Variants in ATP9B observed in about 807,000 individuals in gnomAD.
The protein encoded by ATP9B is ATPase phospholipid transporting 9B, also known as probable phospholipid-transporting ATPase IIB.
ATP9B carries 110 observed loss-of-function variants against 146.1 expected under a neutral mutation model. The ratio of observed to expected loss-of-function variants is 0.75; its 90% CI spans 0.65 to 0.88. The LOEUF (loss-of-function observed/expected upper bound fraction) is 0.88, where lower values mean the gene tolerates loss of function less well. Among genes scored for constraint, ATP9B ranks in the 40% least tolerant of loss-of-function variants. The pLI is 0.00. For missense variants in ATP9B, 1,499 were observed against 1,496.4 expected (o/e 1.00, Z -0.03); for synonymous variants, 604 against 569.7 (o/e 1.06, Z -0.86).
intron 26 of ATP9B, chr18:79,361,155 G>A (rs2147850743): frequency 6.6e-6 from 1 of 152,338 alleles, no homozygotes; most frequent in South Asian, 2.1e-4. Context: ...CCGGATCGCT[G>A]TGCTGGGAGA....
At chr18:79,179,992 T>C (rs1170473217) in intron 8 of ATP9B, among the ~76,000 whole-genome samples, 1 of 152,228 alleles carries the variant, frequency 6.6e-6, no homozygotes, top group African/African-American at 2.4e-5. Flanking sequence ...TCAGAATTAC[T>C]ATATTTTGTT....
chr18:79,166,925 A>T (rs1455403294), intron 7 of ATP9B, among the ~76,000 whole-genome samples: 1 of 151,770 alleles, frequency 6.6e-6, no homozygotes. Context: ...GGATCTGGCC[A>T]CTGCACACAG....
chr18:79,344,460 G>A, intron 21 of ATP9B, 106 bp downstream of exon 21: 4 of 972,682 alleles, frequency 4.1e-6, no homozygotes, highest in Non-Finnish European at 6.5e-6. Flanking sequence ...GACCCTGAGT[G>A]AGTACATGTC....
intron 11 of ATP9B, among the ~76,000 whole-genome samples, chr18:79,240,846 G>C (rs1013168952): frequency 6.6e-6 from 1 of 152,230 alleles, no homozygotes; most frequent in African/African-American, 2.4e-5. Flanking sequence ...GGGAACCTTG[G>C]CATTTGGCAG....
chr18:79,163,867 T>TACACACAC lies in ATP9B; in HGVS notation c.778+9313_778+9314insCACACACA, dbSNP rs1491204627. Among the ~76,000 whole-genome samples, 211 of 77,772 alleles carry TACACACAC rather than the reference T, an allele frequency of 2.7e-3. 6 individuals are homozygous for TACACACAC. The South Asian group carries it at 0.072, about 27-fold the overall frequency. 51.0% of individuals were successfully genotyped at this position (77,772 alleles called of 152,430 possible). A position where few individuals can be genotyped will look rare whatever the true frequency, so the allele number is the denominator to read the frequency against. ...TATATTTTATTTTCATATTTTATTT[T>TACACACAC]ATACACACACACACACACACACACA... On this transcript the variant is annotated intron_variant, in intron 7 of 29. Coordinates refer to ENST00000426216, the MANE Select transcript of ATP9B (RefSeq NM_198531.5).
intron 26 of ATP9B, chr18:79,363,025 T>C (rs1474562208): frequency 6.6e-6 from 1 of 151,240 alleles, no homozygotes; most frequent in Non-Finnish European, 1.5e-5. Context: ...ATTTAAAACA[T>C]TGAGATTAGG....
At chr18:79,171,977 C>T (rs1472075574) in intron 7 of ATP9B, among the ~76,000 whole-genome samples, 2 of 152,136 alleles carry the variant, frequency 1.3e-5, no homozygotes, top group South Asian at 4.1e-4. Flanking sequence ...CAATTTCCGC[C>T]TCCTGGGTTC....
At chr18:79,318,781 G>A (rs1469576293) in intron 15 of ATP9B, among the ~76,000 whole-genome samples, 1 of 152,162 alleles carries the variant, frequency 6.6e-6, no homozygotes. Flanking sequence ...CAGTGGTTTA[G>A]CCAGTTTCTT....
intron 11 of ATP9B, among the ~76,000 whole-genome samples, chr18:79,252,888 T>G (rs543019821): frequency 6.6e-5 from 10 of 150,980 alleles, no homozygotes; most frequent in African/African-American, 2.0e-4. Context: ...TCTTGGGAAC[T>G]CTCCATCTTG....
chr18:79,322,900 T>C (rs1315327712), intron 15 of ATP9B, among the ~76,000 whole-genome samples: 1 of 152,200 alleles, frequency 6.6e-6, no homozygotes, highest in Non-Finnish European at 1.5e-5. Flanking sequence ...TGAAATATGG[T>C]AGAGACTCGG....
intron 15 of ATP9B, 26 bp downstream of exon 15, chr18:79,307,260 AGCTTGTCC>A (rs1349720366): frequency 6.2e-7 from 1 of 1,613,540 alleles, no homozygotes; most frequent in South Asian, 1.1e-5. Flanking sequence ...AAACCGTGGG[AGCTTGTCC>A]GTTCCATTTG....
At chr18:79,101,879 T>G (rs1375897084) in intron 2 of ATP9B, among the ~76,000 whole-genome samples, 1 of 152,254 alleles carries the variant, frequency 6.6e-6, no homozygotes, top group Non-Finnish European at 1.5e-5. Context: ...GTTCTTTACA[T>G]ATTCTAACTA....
intron 21 of ATP9B, 62 bp downstream of exon 21, chr18:79,344,416 G>C (rs2096874962): frequency 6.1e-6 from 9 of 1,477,502 alleles, no homozygotes; most frequent in Non-Finnish European, 8.5e-6. Flanking sequence ...GCTGGTCCCT[G>C]GCTGAGTGTC....
intron 26 of ATP9B, chr18:79,363,526 G>GTAAACTGATGTTCATGGATTGAGAGT (rs1568830920): frequency 1.3e-5 from 2 of 152,148 alleles, no homozygotes; most frequent in African/African-American, 4.8e-5. Context: ...GGATTGAGAG[G>GTAAACTGATGTTCATGGATTGAGAGT]CGTAAACTGA....
intron 7 of ATP9B, among the ~76,000 whole-genome samples, chr18:79,161,693 A>T (rs1382193549): frequency 6.6e-6 from 1 of 152,090 alleles, no homozygotes; most frequent in Non-Finnish European, 1.5e-5. Context: ...GAAAAATACA[A>T]AAAATTTGCC....
intron 5 of ATP9B, among the ~76,000 whole-genome samples, chr18:79,130,283 A>G (rs941040309): frequency 1.3e-5 from 2 of 152,196 alleles, no homozygotes; most frequent in Admixed American, 6.5e-5. Context: ...GAAGCAAACA[A>G]ATTCTGGCAC....
At chr18:79,295,350 C>T (rs913351427) in intron 13 of ATP9B, among the ~76,000 whole-genome samples, 6 of 152,274 alleles carry the variant, frequency 3.9e-5, no homozygotes, top group Admixed American at 3.9e-4. Flanking sequence ...CATTGATTTC[C>T]TCTAAGAAAA....
intron 14 of ATP9B, among the ~76,000 whole-genome samples, chr18:79,305,870 C>T (rs2096617622): frequency 6.6e-6 from 1 of 152,226 alleles, no homozygotes; most frequent in African/African-American, 2.4e-5. Context: ...TGCCGTGCAA[C>T]ACAGATCTTT....
intron 15 of ATP9B, among the ~76,000 whole-genome samples, chr18:79,320,675 G>A (rs2096710293): frequency 6.6e-6 from 1 of 152,156 alleles, no homozygotes; most frequent in Admixed American, 6.6e-5. Flanking sequence ...GGACCATCTG[G>A]TTGGCTGGCC....
Sources: allele counts gnomAD v4.1 joint callset (sites outside exome capture counted in the v4.1 genomes callset), GRCh38; gene constraint gnomAD v4.1.1; transcripts MANE v1.5; gene names NCBI Gene and HGNC (gene_info 2026-07-23, HGNC 2026-07-21).